The following RAB11FIP4 variants were observed in gnomAD, a reference collection of about 807,000 sequenced individuals.
RAB11FIP4 encodes rab11 family-interacting protein 4.
In RAB11FIP4, 23 loss-of-function variants were observed where a neutral mutation model predicts 74.3. The ratio of observed to expected loss-of-function variants is 0.31; its 90% confidence interval spans 0.22 to 0.44. RAB11FIP4 has a LOEUF of 0.44. Ranked by LOEUF, RAB11FIP4 falls within the 20% of genes least tolerant of loss-of-function variation. RAB11FIP4 has a pLI of 1.00. For missense variants in RAB11FIP4, 630 were observed against 863.9 expected (o/e 0.73, Z 3.39); for synonymous variants, 360 against 359.9 (o/e 1.00, Z 0.00).
Position 31,434,085 on chromosome 17 carries a change from T to A in RAB11FIP4, c.299T>A (p.Leu100Gln). 6.3e-7 allele frequency: 1 copy of A among 1,586,526 alleles called. No individual in the cohort carries two copies. Reference sequence around the variant, plus strand: ...CTGTCGGTGGAGAGCGCGGGGACGCTGCCGTGCGCGCCAGAGATCCCAGAC... The same window carrying A: ...CTGTCGGTGGAGAGCGCGGGGACGCAGCCGTGCGCGCCAGAGATCCCAGAC... ...DVLSVESAGT[L>Q]PCAPEIPDCV... The change falls in exon 3 of 15, where the codon CTG (leucine) becomes CAG (glutamine). Residue 100 changes from leucine to glutamine, a missense_variant. By Grantham distance (113) the Leu-to-Gln change is moderately radical (BLOSUM62 -2). Coordinates refer to ENST00000621161, the MANE Select transcript of RAB11FIP4 (RefSeq NM_032932.6).
intron 3 of RAB11FIP4, among the ~76,000 whole-genome samples, chr17:31,474,614 A>G (rs1466495384): frequency 6.6e-6 from 1 of 151,448 alleles, no homozygotes; most frequent in Non-Finnish European, 1.5e-5. Flanking sequence ...GGCTTCAGTA[A>G]GCTGAGATTG....
chr17:31,527,259 A>C (rs1419858381), intron 10 of RAB11FIP4: 2 of 152,306 alleles, frequency 1.3e-5, no homozygotes, highest in African/African-American at 4.8e-5. Context: ...AAGGATGCAT[A>C]CAAGAAGAAT....
chr17:31,414,188 C>A (rs2071126117), intron 1 of RAB11FIP4, among the ~76,000 whole-genome samples: 1 of 152,240 alleles, frequency 6.6e-6, no homozygotes, highest in Non-Finnish European at 1.5e-5. Flanking sequence ...GCAATGTCTG[C>A]CTCCAGAGGC....
intron 1 of RAB11FIP4, among the ~76,000 whole-genome samples, chr17:31,413,598 C>A (rs1450377831): frequency 6.6e-6 from 1 of 152,012 alleles, no homozygotes; most frequent in Non-Finnish European, 1.5e-5. Context: ...CACACCAACG[C>A]CCCGCTTCTT....
intron 3 of RAB11FIP4, among the ~76,000 whole-genome samples, chr17:31,492,813 G>C (rs2072035513): frequency 6.6e-6 from 1 of 152,124 alleles, no homozygotes; most frequent in African/African-American, 2.4e-5. Context: ...GCTCAGAGGG[G>C]TCCCGAGCGT....
chr17:31,528,373 C>CA (rs1476052725), intron 11 of RAB11FIP4, 33 bp from the exon 12 acceptor site: 2 of 1,599,972 alleles, frequency 1.3e-6, no homozygotes. Flanking sequence ...TCTCTGGGAA[C>CA]TCTCCTCCCC....
intron 3 of RAB11FIP4, among the ~76,000 whole-genome samples, chr17:31,513,717 G>A (rs1237862510): frequency 1.3e-5 from 2 of 152,220 alleles, no homozygotes; most frequent in Non-Finnish European, 2.9e-5. Context: ...GATTGCCTTG[G>A]ACAAACAACT....
intron 3 of RAB11FIP4, among the ~76,000 whole-genome samples, chr17:31,473,039 C>G (rs1010871975): frequency 4.0e-5 from 6 of 150,034 alleles, no homozygotes; most frequent in Non-Finnish European, 8.9e-5. Context: ...CTCAAAAAAA[C>G]AAAAAAGAAA....
intron 1 of RAB11FIP4, among the ~76,000 whole-genome samples, chr17:31,398,142 G>A (rs1290768960): frequency 6.6e-6 from 1 of 152,014 alleles, no homozygotes; most frequent in African/African-American, 2.4e-5. Flanking sequence ...GGGTTCAAGC[G>A]ATTCTCTCAC....
chr17:31,493,363 C>CG (rs1055408339), intron 3 of RAB11FIP4, among the ~76,000 whole-genome samples: 1 of 151,996 alleles, frequency 6.6e-6, no homozygotes, highest in African/African-American at 2.4e-5. Flanking sequence ...GGAGAGTGGG[C>CG]GGGCTCTCTC....
At chr17:31,403,328 CT>C (rs565010724) in intron 1 of RAB11FIP4, among the ~76,000 whole-genome samples, 140 of 146,616 alleles carry the variant, frequency 9.5e-4, no homozygotes, top group Middle Eastern at 3.5e-3. Flanking sequence ...TTCTTTCTTT[CT>C]TTTTTTTTTT....
chr17:31,505,342 C>G (rs2072296735), intron 3 of RAB11FIP4, among the ~76,000 whole-genome samples: 1 of 140,538 alleles, frequency 7.1e-6, no homozygotes, highest in African/African-American at 2.7e-5. Flanking sequence ...TTGTGTTGTT[C>G]TGGTCTTCTG....
rs150395594 is a variant in RAB11FIP4 at position 31,472,484 on chromosome 17, G to A, written c.336+38362G>A. Among the ~76,000 whole-genome samples the A allele has an allele frequency of 4.8e-3, 727 of 152,284 alleles. 4 individuals carry two copies. The highest frequency in any genetic ancestry group is 0.017 in the African/African-American group (698 of 41,558). ...CTCACCATCCCTGGTCCTCACAACC[G>A]GCCCAGGATGAATCCCAGCCGCACA... On this transcript the variant is annotated intron_variant, in intron 3 of 14. Transcript: ENST00000621161.
chr17:31,428,393 T>C (rs2071274091), intron 1 of RAB11FIP4, among the ~76,000 whole-genome samples: 2 of 152,160 alleles, frequency 1.3e-5, no homozygotes, highest in South Asian at 4.1e-4. Flanking sequence ...GCGTGAACAC[T>C]GACAACAGTG....
chr17:31,505,454 T>C (rs1458302932), intron 3 of RAB11FIP4, among the ~76,000 whole-genome samples: 1 of 93,470 alleles, frequency 1.1e-5, no homozygotes, highest in Admixed American at 1.7e-4. Flanking sequence ...TATATAATAA[T>C]TATTATAACA....
intron 3 of RAB11FIP4, among the ~76,000 whole-genome samples, chr17:31,480,793 C>CAAAAAAAAA (rs36097331): frequency 1.1e-4 from 8 of 73,836 alleles, no homozygotes; most frequent in Middle Eastern, 9.4e-3. Context: ...GACTCCGTCT[C>CAAAAAAAAA]AAAAAAAAAA....
chr17:31,518,226 CTCACACCTATAACCCCAGGA>C (rs1302212919), intron 4 of RAB11FIP4, among the ~76,000 whole-genome samples: 1 of 152,058 alleles, frequency 6.6e-6, no homozygotes, highest in Non-Finnish European at 1.5e-5. Context: ...GGCATGGTGG[CTCACACCTATAACCCCAGGA>C]CTTTGGGAGG....
chr17:31,440,439 C>G lies in RAB11FIP4; in HGVS notation c.336+6317C>G, dbSNP rs535321299. Reference sequence around the variant, plus strand: ...GTTACTCTTGTTTATAGTTTGATATCTGATAGGGAAAGGCTCTCTCATCCT... The same window carrying G: ...GTTACTCTTGTTTATAGTTTGATATGTGATAGGGAAAGGCTCTCTCATCCT... On this transcript the variant is annotated intron_variant, in intron 3 of 14. Coordinates refer to ENST00000621161, the MANE Select transcript of RAB11FIP4 (RefSeq NM_032932.6). Among the ~76,000 whole-genome samples the G allele has an allele frequency of 1.4e-3, 218 of 152,330 alleles. 1 individual carries two copies. Among genetic ancestry groups the G allele is most frequent in the Admixed American group, 2.4e-3 (36 of 15,290 alleles).
chr17:31,480,375 G>C (rs1251368184), intron 3 of RAB11FIP4, among the ~76,000 whole-genome samples: 1 of 152,152 alleles, frequency 6.6e-6, no homozygotes, highest in East Asian at 1.9e-4. Flanking sequence ...GTAGGACATT[G>C]AGCATGGTCA....
Sources: gnomAD v4.1 joint callset for allele counts (sites outside exome capture counted in the v4.1 genomes callset) on GRCh38, gnomAD v4.1.1 for gene constraint, MANE v1.5 for transcripts, NCBI Gene and HGNC (gene_info 2026-07-23, HGNC 2026-07-21) for gene names.